The following LHX4 variants were observed in gnomAD, a reference collection of about 807,000 sequenced individuals.
LHX4 encodes the protein LIM homeobox 4, also known as LIM/homeobox protein Lhx4.
LHX4 carries 16 observed loss-of-function variants against 39.2 expected under a neutral mutation model. That is an observed-to-expected ratio of 0.41 (90% confidence interval 0.28 to 0.62). The LOEUF (loss-of-function observed/expected upper bound fraction) is 0.62. Ranked by LOEUF, LHX4 falls within the 20% of genes least tolerant of loss-of-function variation. The pLI is 0.33. For missense variants in LHX4, 439 were observed against 511.9 expected, an observed-to-expected ratio of 0.86 and a Z score of 1.37; for synonymous variants, 206 against 198.1, an observed-to-expected ratio of 1.04 and a Z score of -0.33.
chr1:180,255,554 T>C (rs1262616973), intron 2 of LHX4, among the ~76,000 whole-genome samples: 1 of 152,270 alleles, frequency 6.6e-6, no homozygotes, highest in East Asian at 1.9e-4. Context: ...AACGATCAGA[T>C]GGTCCGGATA....
At position 180,276,963 on chromosome 1, in the gene LHX4, A is replaced by G. The variant is rs1649074084; in HGVS notation, c.*2384A>G. On this transcript the variant is annotated 3_prime_UTR_variant, in exon 6 of 6. Coordinates refer to ENST00000263726, the MANE Select transcript of LHX4 (RefSeq NM_033343.4). The stretch of plus-strand genomic sequence containing the variant: ...AGGAGAGGCCTTCCTCATTTATACT[A>G]ATAATATAATAAATCTCTTGAGGAA... 1 of 152,208 alleles carries G rather than the reference A, an allele frequency of 6.6e-6. No homozygotes were observed. Among genetic ancestry groups the G allele is most frequent in the African/African-American group, 2.4e-5 (1 of 41,440 alleles). The allele number at this position is 152,208 out of a possible 1,614,324, so 9.4% of individuals were successfully genotyped here. A position where few individuals can be genotyped will look rare whatever the true frequency, so the allele number is the denominator to read the frequency against.
intron 3 of LHX4, among the ~76,000 whole-genome samples, chr1:180,268,456 C>T (rs1648428467): frequency 6.6e-6 from 1 of 152,170 alleles, no homozygotes; most frequent in Non-Finnish European, 1.5e-5. Flanking sequence ...CCACAGCAGA[C>T]CTCTGCAGGA....
chr1:180,237,199 A>T (rs1571257041), intron 1 of LHX4, among the ~76,000 whole-genome samples: 1 of 107,740 alleles, frequency 9.3e-6, no homozygotes, highest in African/African-American at 3.8e-5. Context: ...TTCACGACAC[A>T]GGGGTTTTAC....
Position 180,234,667 on chromosome 1 carries a change from A to T in LHX4, c.76+4062A>T, listed in dbSNP as rs748961142. On this transcript the variant is annotated intron_variant, in intron 1 of 5. Coordinates refer to ENST00000263726, the MANE Select transcript of LHX4 (RefSeq NM_033343.4). This position sits in a 1 kb window ranked among gnomAD's most constrained non-coding sequence, Gnocchi z 4.8. ...AGCCGGACACGGAGCACGCAGGTGC[A>T]GCAGGTGAGGGGCAAAGGTCTGCAT... Among the ~76,000 whole-genome samples, 1 of 152,264 alleles carries T rather than the reference A, an allele frequency of 6.6e-6. No individual in the cohort carries two copies. The highest frequency in any genetic ancestry group is 1.5e-5 in the Non-Finnish European group (1 of 68,038).
chr1:180,264,443 T>C (rs1424598086), intron 2 of LHX4, among the ~76,000 whole-genome samples: 1 of 145,948 alleles, frequency 6.9e-6, no homozygotes, highest in East Asian at 2.0e-4. Flanking sequence ...AGCCTTCCTC[T>C]TTGATCCAGG....
Position 180,274,287 on chromosome 1 carries a change from G to A in LHX4, c.881G>A (p.Gly294Glu). 1 of 1,614,194 alleles carries A rather than the reference G, an allele frequency of 6.2e-7. No homozygotes were observed. Among genetic ancestry groups the A allele is most frequent in the Non-Finnish European group, 8.5e-7 (1 of 1,180,030 alleles). The change falls in exon 6 of 6, where the codon GGG (glycine) becomes GAG (glutamate). Residue 294 changes from glycine (G) to glutamate (E), a missense_variant. By Grantham distance (98) the Gly-to-Glu change is moderately conservative. Transcript: ENST00000263726. ...ATGAATGGGAGCTTCTCCATGGACGGGACAGGACAATCCTATCAGGACTTG... is the reference window on the plus strand; with the variant it reads ...ATGAATGGGAGCTTCTCCATGGACGAGACAGGACAATCCTATCAGGACTTG... Reference protein sequence around the residue: ...QLMNGSFSMDGTGQSYQDLRD... With the variant: ...QLMNGSFSMDETGQSYQDLRD...
At chr1:180,231,252 G>A (rs1664170374) in intron 1 of LHX4, among the ~76,000 whole-genome samples, 2 of 152,162 alleles carry the variant, frequency 1.3e-5, no homozygotes, top group South Asian at 2.1e-4. Context: ...GCGACCGCAA[G>A]TTGTGAATTC....
chr1:180,264,951 A>C (rs1041440586), intron 2 of LHX4, among the ~76,000 whole-genome samples: 12 of 151,926 alleles, frequency 7.9e-5, no homozygotes, highest in African/African-American at 2.9e-4. Flanking sequence ...GAGAACCCCC[A>C]CTTTTCTCTG....
Position 180,274,302 on chromosome 1 carries a change from A to G in LHX4, c.896A>G (p.Tyr299Cys). The G allele has an allele frequency of 1.2e-6, 2 of 1,614,198 alleles. No homozygotes were observed. The highest frequency in any genetic ancestry group is 1.7e-6 in the Non-Finnish European group (2 of 1,180,026). ...TCCATGGACGGGACAGGACAATCCTATCAGGACTTGAGGGATGGGAGCCCC... is the reference window on the plus strand; with the variant it reads ...TCCATGGACGGGACAGGACAATCCTGTCAGGACTTGAGGGATGGGAGCCCC... Reference protein sequence around the residue: ...SFSMDGTGQSYQDLRDGSPYG... With the variant: ...SFSMDGTGQSCQDLRDGSPYG... Residue 299 changes from tyrosine (Y) to cysteine (C), a missense_variant, in exon 6 of 6, where the codon TAT becomes TGT. Transcript: ENST00000263726.
Position 180,234,132 on chromosome 1 carries a change from C to G in LHX4, c.76+3527C>G, listed in dbSNP as rs1190358063. Among the ~76,000 whole-genome samples, 1 of 138,382 alleles carries G rather than the reference C, an allele frequency of 7.2e-6. No individual in the cohort carries two copies. The highest frequency in any genetic ancestry group is 2.1e-4 in the East Asian group (1 of 4,738). 90.8% of individuals were successfully genotyped at this position (138,382 alleles called of 152,430 possible). The stretch of plus-strand genomic sequence containing the variant: ...TCTTCTTTCCATTCCTGCCTTGTCT[C>G]CTAGTGCGAGAAACAGACACACACA... On this transcript the variant is annotated intron_variant, in intron 1 of 5. Coordinates refer to ENST00000263726, the MANE Select transcript of LHX4 (RefSeq NM_033343.4). The surrounding 1 kb of genome is among the most constrained non-coding windows in gnomAD (Gnocchi z 4.8).
At chr1:180,229,259 C>T (rs1445494566), upstream of LHX4, among the ~76,000 whole-genome samples, 2 of 152,356 alleles carry the variant, frequency 1.3e-5, no homozygotes, top group East Asian at 3.9e-4. Context: ...CGGTGGCAGC[C>T]GGAGAGGCAG....
At chr1:180,269,431 G>T (rs992348513) in intron 3 of LHX4, among the ~76,000 whole-genome samples, 2 of 152,096 alleles carry the variant, frequency 1.3e-5, no homozygotes, top group African/African-American at 4.8e-5. Context: ...ATATAAAAAA[G>T]ATTTTAAATT....
chr1:180,254,101 C>A (rs1647742283), intron 2 of LHX4, among the ~76,000 whole-genome samples: 1 of 152,212 alleles, frequency 6.6e-6, no homozygotes, highest in Non-Finnish European at 1.5e-5. Flanking sequence ...CTTGTGGGGG[C>A]TTCAAGCTGT....
intron 2 of LHX4, among the ~76,000 whole-genome samples, chr1:180,263,936 C>T (rs1648210562): frequency 6.6e-6 from 1 of 152,092 alleles, no homozygotes; most frequent in South Asian, 2.1e-4. Flanking sequence ...GGAGGGTTCG[C>T]AACAAGCATG....
At chr1:180,242,284 TG>T (rs1664459593) in intron 1 of LHX4, among the ~76,000 whole-genome samples, 1 of 151,748 alleles carries the variant, frequency 6.6e-6, no homozygotes, top group African/African-American at 2.4e-5. Context: ...TGTGTACATG[TG>T]AGTATGTGTC....
In LHX4 at chr1:180,278,797, A is replaced by C. The variant is rs1649198077; in HGVS notation, c.*4218A>C. The C allele has an allele frequency of 6.8e-6, 1 of 147,384 alleles. No homozygotes were observed. The highest frequency in any genetic ancestry group is 6.7e-5 in the Admixed American group (1 of 14,966). 9.1% of individuals were successfully genotyped at this position (147,384 alleles called of 1,614,324 possible). ...CAATGTAAATTTTGTACAGTTAAAG[A>C]GAAATGAAGTCTCGTTTCCTGGGGA... On this transcript the variant is annotated 3_prime_UTR_variant, in exon 6 of 6. Transcript: ENST00000263726.
intron 2 of LHX4, among the ~76,000 whole-genome samples, chr1:180,253,388 T>TTC (rs1359225554): frequency 3.9e-5 from 6 of 152,306 alleles, no homozygotes; most frequent in African/African-American, 1.4e-4. Context: ...TGGAGCTGGG[T>TTC]TCAAGTGTTG....
intron 2 of LHX4, among the ~76,000 whole-genome samples, chr1:180,251,799 G>A (rs553183479): frequency 1.4e-4 from 21 of 152,298 alleles, no homozygotes; most frequent in Middle Eastern, 6.8e-3. Flanking sequence ...CTCAGGGCTG[G>A]GTCCTTCTGT....
intron 5 of LHX4, chr1:180,272,477 G>T: frequency 6.3e-6 from 1 of 157,860 alleles, no homozygotes; most frequent in East Asian, 1.9e-4. Flanking sequence ...TCAGTACTGT[G>T]AGTGCATGTG....
Sources: allele counts gnomAD v4.1 joint callset (sites outside exome capture counted in the v4.1 genomes callset), GRCh38; gene constraint gnomAD v4.1.1; non-coding constraint Gnocchi (gnomAD v3.1); transcripts MANE v1.5; gene names NCBI Gene and HGNC (gene_info 2026-07-23, HGNC 2026-07-21).